The following CPS1 variants were observed in gnomAD, a reference collection of about 807,000 sequenced individuals.
CPS1 encodes carbamoyl-phosphate synthase [ammonia], mitochondrial.
CPS1 carries 109 observed loss-of-function variants against 174.6 expected under a neutral mutation model. That is an observed-to-expected ratio of 0.62 (90% CI 0.53 to 0.73). The LOEUF (loss-of-function observed/expected upper bound fraction) is 0.73, where lower values mean the gene tolerates loss of function less well. Ranked by LOEUF, CPS1 falls within the 30% of genes least tolerant of loss-of-function variation. CPS1 has a pLI of 0.00. For missense variants in CPS1, 1,689 were observed against 1,821.9 expected, an observed-to-expected ratio of 0.93 and a Z score of 1.33; for synonymous variants, 637 against 632.0, an observed-to-expected ratio of 1.01 and a Z score of -0.12.
intron 1 of CPS1, among the ~76,000 whole-genome samples, chr2:210,531,527 G>C (rs1248051070): frequency 6.6e-6 from 1 of 152,106 alleles, no homozygotes; most frequent in Non-Finnish European, 1.5e-5. Flanking sequence ...ATTTGAGGGG[G>C]TTATGCCTAC....
intron 33 of CPS1, among the ~76,000 whole-genome samples, chr2:210,665,053 TA>T (rs769315206): frequency 5.9e-5 from 9 of 152,224 alleles, no homozygotes; most frequent in Non-Finnish European, 1.2e-4. Context: ...AGAAAATTTT[TA>T]AAACCTCGTC....
At chr2:210,544,973 A>G (rs1696524230) in intron 1 of CPS1, among the ~76,000 whole-genome samples, 1 of 151,912 alleles carries the variant, frequency 6.6e-6, no homozygotes, top group African/African-American at 2.4e-5. Context: ...GTATTACAGT[A>G]TGACCTGTCT....
At chr2:210,610,231 T>A (rs1180490083) in intron 19 of CPS1, among the ~76,000 whole-genome samples, 2 of 151,970 alleles carry the variant, frequency 1.3e-5, no homozygotes, top group East Asian at 3.9e-4. Context: ...AAATTGGTAG[T>A]TCAAGGAACT....
rs555986521 is a variant in CPS1 at position 210,676,606 on chromosome 2, G to A, written c.4275-401G>A. On this transcript the variant is annotated intron_variant, in intron 36 of 37. Transcript: ENST00000233072. ...CAAGGATGTAATAGCTCCGTGTTTGGGGCATTGTAAAACAATAATTAGCAC... is the reference window on the plus strand; with the variant it reads ...CAAGGATGTAATAGCTCCGTGTTTGAGGCATTGTAAAACAATAATTAGCAC... 4.6e-5 allele frequency among the ~76,000 whole-genome samples: 7 copies of A among 152,246 alleles called. No homozygotes were observed. The East Asian group carries it at 1.4e-3, about 29-fold the overall frequency.
At chr2:210,642,701 A>C (rs1482289029) in intron 25 of CPS1, 36 bp downstream of exon 25, 1 of 1,575,758 alleles carries the variant, frequency 6.3e-7, no homozygotes. Flanking sequence ...AGAAAAAAGA[A>C]GACAGATATA....
chr2:210,576,439 T>G lies in CPS1; in HGVS notation c.330T>G (p.Thr110=), dbSNP rs777617670. ...GGAATGGTGGAGCTCCTGATACTAC[T>G]GCTCTGGATGAACTGGGACTTAGCA... ...IIGNGGAPDT[T]ALDELGLSKY... The change falls in exon 3 of 38, where the codon ACT becomes ACG. Residue 110 remains threonine (T), a synonymous_variant. Coordinates refer to ENST00000233072, the MANE Select transcript of CPS1 (RefSeq NM_001875.5). The G allele has an allele frequency of 2.5e-6, 4 of 1,613,614 alleles. No individual in the cohort carries two copies. Among genetic ancestry groups the G allele is most frequent in the African/African-American group, 2.7e-5 (2 of 74,918 alleles).
chr2:210,616,669 T>C lies in CPS1; in HGVS notation c.2687+128T>C, dbSNP rs529417726. On this transcript the variant is annotated intron_variant, in intron 21 of 37. Transcript: ENST00000233072. Reference sequence around the variant, plus strand: ...GGTAGATAGTGCCATTGTTGGAAAATAGTACCCGTAGCCAGAAGACAAATG... The same window carrying C: ...GGTAGATAGTGCCATTGTTGGAAAACAGTACCCGTAGCCAGAAGACAAATG... 1.2e-5 allele frequency: 9 copies of C among 740,830 alleles called. No individual in the cohort carries two copies. In the East Asian group the frequency reaches 2.0e-4, roughly 16 times the overall value. The allele number at this position is 740,830 out of a possible 1,614,324, so 45.9% of individuals were successfully genotyped here.
intron 1 of CPS1, among the ~76,000 whole-genome samples, chr2:210,571,884 T>C (rs1024244414): frequency 6.8e-6 from 1 of 146,870 alleles, no homozygotes; most frequent in African/African-American, 2.6e-5. Flanking sequence ...TGTGTGTGTG[T>C]GTGTGTGTGT....
upstream of CPS1, among the ~76,000 whole-genome samples, chr2:210,553,034 A>G (rs1008311945): frequency 4.6e-5 from 7 of 151,978 alleles, no homozygotes; most frequent in African/African-American, 1.7e-4. Flanking sequence ...TTGGAGAGAA[A>G]TTTGTAAATA....
intron 30 of CPS1, chr2:210,658,193 G>A (rs1574651388): frequency 3.7e-6 from 1 of 270,474 alleles, no homozygotes; most frequent in Non-Finnish European, 7.2e-6. Flanking sequence ...TTTCTTTGCA[G>A]TACCATGTAA....
chr2:210,536,748 C>T (rs1178857255), intron 1 of CPS1, among the ~76,000 whole-genome samples: 1 of 152,098 alleles, frequency 6.6e-6, no homozygotes, highest in Non-Finnish European at 1.5e-5. Context: ...ATAAATAACA[C>T]TTTTGTAGAG....
chr2:210,581,519 G>C (rs1341009928), intron 5 of CPS1, among the ~76,000 whole-genome samples: 3 of 152,128 alleles, frequency 2.0e-5, no homozygotes, highest in African/African-American at 7.2e-5. Context: ...CATGTTTTAA[G>C]AAAAGGGGAA....
chr2:210,573,296 A>G lies in CPS1; in HGVS notation c.127-2A>G. 1 of 1,611,444 alleles carries G rather than the reference A, an allele frequency of 6.2e-7. No individual in the cohort carries two copies. Among genetic ancestry groups the G allele is most frequent in the African/African-American group, 1.3e-5 (1 of 74,948 alleles). The stretch of plus-strand genomic sequence containing the variant: ...CTAAGATTCATGCAACTGTTTCTTC[A>G]GGCACAGACAGCACACATTGTCCTG... On this transcript the variant is annotated splice_acceptor_variant, in intron 1 of 37. Coordinates refer to ENST00000233072, the MANE Select transcript of CPS1 (RefSeq NM_001875.5). LOFTEE classifies it high-confidence loss of function.
At chr2:210,618,789 G>A (rs1699404420) in intron 21 of CPS1, 1 of 151,940 alleles carries the variant, frequency 6.6e-6, no homozygotes, top group Non-Finnish European at 1.5e-5. Context: ...CTTTTTCTCG[G>A]CCCCTCAATA....
intron 21 of CPS1, among the ~76,000 whole-genome samples, chr2:210,627,888 C>A (rs1699742804): frequency 6.6e-6 from 1 of 152,036 alleles, no homozygotes; most frequent in East Asian, 1.9e-4. Flanking sequence ...TGGTTCTTTC[C>A]CTTCCTCCTT....
intron 17 of CPS1, 100 bp downstream of exon 17, chr2:210,605,346 C>A: frequency 7.8e-7 from 1 of 1,280,990 alleles, no homozygotes; most frequent in Non-Finnish European, 1.1e-6. Flanking sequence ...ATTACTATTT[C>A]TAGTTGACAG....
At chr2:210,657,274 A>G (rs991977961) in intron 30 of CPS1, 4 of 153,458 alleles carry the variant, frequency 2.6e-5, no homozygotes, top group Non-Finnish European at 5.8e-5. Context: ...TTAGTACTCA[A>G]TATGCACTGC....
intron 16 of CPS1, among the ~76,000 whole-genome samples, chr2:210,602,670 C>G (rs142052651): frequency 1.0e-3 from 153 of 152,000 alleles, no homozygotes; most frequent in Non-Finnish European, 1.7e-3. Context: ...ATTTAAAATG[C>G]TAAAATATGT....
intron 25 of CPS1, 78 bp downstream of exon 25, chr2:210,642,743 G>T (rs1000671008): frequency 1.3e-5 from 15 of 1,194,382 alleles, no homozygotes; most frequent in Non-Finnish European, 4.8e-6. Flanking sequence ...ATGCATTCTG[G>T]TATATAGATG....
Sources: allele counts gnomAD v4.1 joint callset (sites outside exome capture counted in the v4.1 genomes callset), GRCh38; gene constraint gnomAD v4.1.1; transcripts MANE v1.5; gene names NCBI Gene and HGNC (gene_info 2026-07-23, HGNC 2026-07-21).